Variants in SNX2 observed in about 807,000 individuals in gnomAD.
The protein encoded by SNX2 is sorting nexin 2, also known as sorting nexin-2.
In SNX2, 25 loss-of-function variants were observed where a neutral mutation model predicts 69.9. The ratio of observed to expected loss-of-function variants is 0.36; its 90% CI spans 0.26 to 0.50. The LOEUF (loss-of-function observed/expected upper bound fraction) is 0.50, where lower values mean the gene tolerates loss of function less well. Among genes scored for constraint, SNX2 ranks in the 20% least tolerant of loss-of-function variants. SNX2 has a pLI of 0.97. For synonymous variants in SNX2, 229 were observed against 200.4 expected (o/e 1.14, Z -1.20); for missense variants, 551 against 613.3 (o/e 0.90, Z 1.07).
At chr5:122,801,602 CT>C (rs1339977899) in intron 3 of SNX2, among the ~76,000 whole-genome samples, 2 of 66,648 alleles carry the variant, frequency 3.0e-5, no homozygotes, top group South Asian at 5.2e-4. Context: ...AAGACTCTAT[CT>C]TTAAAAAAAA....
At chr5:122,788,428 A>G (rs1262015109) in intron 1 of SNX2, among the ~76,000 whole-genome samples, 1 of 152,214 alleles carries the variant, frequency 6.6e-6, no homozygotes, top group Non-Finnish European at 1.5e-5. Context: ...TCGTTCACCA[A>G]ATTCTGGAAA....
At chr5:122,827,794 G>A (rs1305719896) in intron 14 of SNX2, 148 bp downstream of exon 14, 1 of 602,830 alleles carries the variant, frequency 1.7e-6, no homozygotes, top group Non-Finnish European at 2.9e-6. Context: ...GGATAAAAGG[G>A]TAAACTAATC....
chr5:122,799,059 C>CT (rs1753452187), intron 2 of SNX2, among the ~76,000 whole-genome samples: 1 of 152,040 alleles, frequency 6.6e-6, no homozygotes, highest in Non-Finnish European at 1.5e-5. Flanking sequence ...GTTATGTAGC[C>CT]TGTAGACATT....
At position 122,833,338 on chromosome 5, in the gene SNX2, G is replaced by T. The variant is rs1349513295; in HGVS notation, c.*3690G>T. 1 of 152,040 alleles carries T rather than the reference G, an allele frequency of 6.6e-6. No homozygotes were observed. The highest frequency in any genetic ancestry group is 1.5e-5 in the Non-Finnish European group (1 of 68,008). 9.4% of individuals were successfully genotyped at this position (152,040 alleles called of 1,614,324 possible). On this transcript the variant is annotated 3_prime_UTR_variant, in exon 15 of 15. Transcript: ENST00000379516. The stretch of plus-strand genomic sequence containing the variant: ...TAGGTCATGGTAATCTATGGAGAAG[G>T]TCCTTAAGAGCATAGAACAATATAA...
chr5:122,782,957 A>G (rs1753009624), intron 1 of SNX2, among the ~76,000 whole-genome samples: 1 of 150,920 alleles, frequency 6.6e-6, no homozygotes, highest in Non-Finnish European at 1.5e-5. Context: ...GTTTTTGTTG[A>G]GATGGAGTCT....
At position 122,827,735 on chromosome 5, in the gene SNX2, T is replaced by A. The variant is rs575576402; in HGVS notation, c.1509+89T>A. On this transcript the variant is annotated intron_variant, in intron 14 of 14. Coordinates refer to ENST00000379516, the MANE Select transcript of SNX2 (RefSeq NM_003100.4). The stretch of plus-strand genomic sequence containing the variant: ...AAAAAGATGATTAATGAACTGGGCA[T>A]TTAAACTCAAGAATAAGAAATGGAA... The A allele has an allele frequency of 3.3e-4, 288 of 874,598 alleles. 4 individuals are homozygous for A. The South Asian group carries it at 4.0e-3, about 12-fold the overall frequency. 54.2% of individuals were successfully genotyped at this position (874,598 alleles called of 1,614,324 possible).
intron 6 of SNX2, among the ~76,000 whole-genome samples, chr5:122,806,721 A>AT (rs925323404): frequency 6.6e-6 from 1 of 151,834 alleles, no homozygotes; most frequent in African/African-American, 2.4e-5. Flanking sequence ...CAGTGGTGAG[A>AT]TTTTTTTTCA....
rs1034522891 is a variant in SNX2 at position 122,832,096 on chromosome 5, T to C, written c.*2448T>C. Among the ~76,000 whole-genome samples, 17 of 152,332 alleles carry C rather than the reference T, an allele frequency of 1.1e-4. No homozygotes were observed. The highest frequency in any genetic ancestry group is 3.6e-4 in the African/African-American group (15 of 41,564). ...TAGTGCTAATAATATAATCTTTTCA[T>C]TGGATAGGTCTGAGTTTAGCGTTTG... is the stretch of plus-strand genomic sequence containing the variant. On this transcript the variant is annotated 3_prime_UTR_variant, in exon 15 of 15. Transcript: ENST00000379516.
chr5:122,806,142 G>GCACGCACGCGCACACACACACACACA (rs1554063175), intron 6 of SNX2, among the ~76,000 whole-genome samples: 5 of 130,584 alleles, frequency 3.8e-5, no homozygotes, highest in African/African-American at 1.2e-4. Flanking sequence ...ACACGCGCGC[G>GCACGCACGCGCACACACACACACACA]CACACACACA....
intron 1 of SNX2, among the ~76,000 whole-genome samples, chr5:122,784,746 G>A (rs145413252): frequency 1.3e-5 from 2 of 152,148 alleles, no homozygotes; most frequent in African/African-American, 2.4e-5. Context: ...TGCTAGCTTC[G>A]TTAAGTGATT....
At chr5:122,801,206 T>C (rs917893910) in intron 3 of SNX2, among the ~76,000 whole-genome samples, 2 of 152,118 alleles carry the variant, frequency 1.3e-5, no homozygotes, top group African/African-American at 2.4e-5. Flanking sequence ...ATTAAGGAGG[T>C]AATTTTTTAA....
At position 122,829,990 on chromosome 5, in the gene SNX2, G is replaced by T. The variant is rs568978493; in HGVS notation, c.*342G>T. 1.3e-5 allele frequency: 3 copies of T among 235,212 alleles called. No homozygotes were observed. The highest frequency in any genetic ancestry group is 6.8e-5 in the African/African-American group (3 of 44,240). The allele number at this position is 235,212 out of a possible 1,614,324, so 14.6% of individuals were successfully genotyped here. ...TTTTTTCTTTACAATATGTTCTGTA[G>T]TATGTTTACCCTCTTTATGAAGTGA... is the stretch of plus-strand genomic sequence containing the variant. On this transcript the variant is annotated 3_prime_UTR_variant, in exon 15 of 15. Transcript: ENST00000379516.
At chr5:122,818,537 G>C (rs1753950402) in intron 10 of SNX2, among the ~76,000 whole-genome samples, 1 of 152,090 alleles carries the variant, frequency 6.6e-6, no homozygotes, top group African/African-American at 2.4e-5. Flanking sequence ...AACACTGTGG[G>C]AGAAAAAACA....
At chr5:122,816,870 G>A (rs1753911740) in intron 8 of SNX2, 45 bp from the exon 9 acceptor site, 1 of 1,212,486 alleles carries the variant, frequency 8.2e-7, no homozygotes, top group African/African-American at 1.5e-5. Context: ...TAAACCTCCA[G>A]GCTTTTAACC....
chr5:122,805,874 G>A (rs1454469322), intron 6 of SNX2, among the ~76,000 whole-genome samples: 10 of 151,916 alleles, frequency 6.6e-5, no homozygotes, highest in Admixed American at 2.6e-4. Context: ...TCTGTCTCCC[G>A]GGTTCATGCT....
Position 122,831,191 on chromosome 5 carries a change from G to T in SNX2, c.*1543G>T, listed in dbSNP as rs965542044. On this transcript the variant is annotated 3_prime_UTR_variant, in exon 15 of 15. Coordinates refer to ENST00000379516, the MANE Select transcript of SNX2 (RefSeq NM_003100.4). Reference sequence around the variant, plus strand: ...AGTCACTGGATACAATTTATATATCGAAGTATCCTTAGCATGTGTTTGCTT... The same window carrying T: ...AGTCACTGGATACAATTTATATATCTAAGTATCCTTAGCATGTGTTTGCTT... Among the ~76,000 whole-genome samples the T allele has an allele frequency of 3.9e-5, 6 of 151,996 alleles. No individual in the cohort carries two copies. The highest frequency in any genetic ancestry group is 1.5e-4 in the African/African-American group (6 of 41,346).
chr5:122,810,869 T>A (rs1753760112), intron 7 of SNX2, among the ~76,000 whole-genome samples: 1 of 152,174 alleles, frequency 6.6e-6, no homozygotes, highest in Non-Finnish European at 1.5e-5. Context: ...GGCATAAAGG[T>A]GTAGAAGCAA....
intron 1 of SNX2, among the ~76,000 whole-genome samples, chr5:122,776,984 AT>A (rs1040923091): frequency 6.6e-6 from 1 of 152,194 alleles, no homozygotes; most frequent in Non-Finnish European, 1.5e-5. Context: ...TAATGTACTC[AT>A]TTAGGTTACT....
intron 10 of SNX2, among the ~76,000 whole-genome samples, chr5:122,817,608 C>T (rs756701291): frequency 3.2e-4 from 48 of 151,780 alleles, no homozygotes; most frequent in Non-Finnish European, 6.3e-4. Context: ...TTAACTGGTA[C>T]AGATGTGAGC....
Sources: gnomAD v4.1 joint callset for allele counts (sites outside exome capture counted in the v4.1 genomes callset) on GRCh38, gnomAD v4.1.1 for gene constraint, MANE v1.5 for transcripts, NCBI Gene and HGNC (gene_info 2026-07-23, HGNC 2026-07-21) for gene names.